The following COL23A1 variants were observed in gnomAD, a reference collection of about 807,000 sequenced individuals.
COL23A1 encodes the protein collagen alpha-1(XXIII) chain.
Under a neutral mutation model 99.3 loss-of-function variants are expected in COL23A1, and 97 were observed. The ratio of observed to expected loss-of-function variants is 0.98; its 90% confidence interval spans 0.83 to 1.16. The LOEUF (loss-of-function observed/expected upper bound fraction) is 1.16, where lower values mean the gene tolerates loss of function less well. Among genes scored for constraint, COL23A1 ranks in the 50% most tolerant of loss-of-function variants. The probability of loss-of-function intolerance (pLI) is 0.00; values close to 1 mark genes in which losing one functional copy is unlikely to be tolerated. For missense variants in COL23A1, 762 were observed against 757.4 expected (o/e 1.01, Z -0.07); for synonymous variants, 320 against 308.2 (o/e 1.04, Z -0.40).
intron 2 of COL23A1, among the ~76,000 whole-genome samples, chr5:178,355,394 C>T (rs1206719374): frequency 3.3e-5 from 5 of 152,142 alleles, no homozygotes; most frequent in African/African-American, 7.2e-5. Flanking sequence ...TAAGGCACAA[C>T]GCTATACAGA....
chr5:178,280,277 C>T lies in COL23A1; in HGVS notation c.441+8047G>A, dbSNP rs763070269. ...GATGCAGGCCCAAAAGGGGCGCCTT[C>T]AGCCTCACAGGCTTCCCTGGCTGGC... On this transcript the variant is annotated intron_variant, in intron 5 of 28. Coordinates refer to ENST00000390654, the MANE Select transcript of COL23A1 (RefSeq NM_173465.4). The surrounding 1 kb of genome is among the most constrained non-coding windows in gnomAD (Gnocchi z 4.9). Among the ~76,000 whole-genome samples the T allele has an allele frequency of 7.9e-5, 12 of 152,256 alleles. No individual in the cohort carries two copies. Among genetic ancestry groups the T allele is most frequent in the Non-Finnish European group, 1.8e-4 (12 of 68,044 alleles).
intron 2 of COL23A1, among the ~76,000 whole-genome samples, chr5:178,383,459 T>C (rs901310336): frequency 6.6e-6 from 1 of 152,214 alleles, no homozygotes; most frequent in Admixed American, 6.5e-5. Flanking sequence ...AGCCGGCCCC[T>C]TCCCGGCTCC....
intron 2 of COL23A1, among the ~76,000 whole-genome samples, chr5:178,402,179 A>G (rs1177386802): frequency 6.6e-6 from 1 of 152,174 alleles, no homozygotes; most frequent in Non-Finnish European, 1.5e-5. Flanking sequence ...GAATAATGAT[A>G]GCAATAAGAA....
rs1758354696 is a variant in COL23A1 at position 178,306,389 on chromosome 5, G to A, written c.406+486C>T. On this transcript the variant is annotated intron_variant, in intron 3 of 28. Transcript: ENST00000390654. This position sits in a 1 kb window ranked among gnomAD's most constrained non-coding sequence, Gnocchi z 4.1. ...AGTTCTGGGTGAAGCAGAGACAGCA[G>A]GAAGGAAGGGTGGTGAATACAGGTG... Among the ~76,000 whole-genome samples, 1 of 152,096 alleles carries A rather than the reference G, an allele frequency of 6.6e-6. No individual in the cohort carries two copies. Among genetic ancestry groups the A allele is most frequent in the South Asian group, 2.1e-4 (1 of 4,810 alleles).
chr5:178,583,496 C>T (rs766569772), intron 1 of COL23A1, among the ~76,000 whole-genome samples: 10 of 152,256 alleles, frequency 6.6e-5, no homozygotes, highest in Admixed American at 1.3e-4. Context: ...CATGAACACA[C>T]ACACACAGAC....
At chr5:178,385,878 C>T (rs1401064736) in intron 2 of COL23A1, among the ~76,000 whole-genome samples, 1 of 152,158 alleles carries the variant, frequency 6.6e-6, no homozygotes, top group Admixed American at 6.5e-5. Context: ...TGTATTCAAC[C>T]TGTTTTAGTC....
chr5:178,424,572 C>T (rs528469031), intron 2 of COL23A1, among the ~76,000 whole-genome samples: 22 of 152,320 alleles, frequency 1.4e-4, no homozygotes, highest in African/African-American at 4.8e-4. Flanking sequence ...CAGGACAAGA[C>T]ACACCGGCAA....
In COL23A1 at chr5:178,589,435, G is replaced by T. The variant is rs138390124; in HGVS notation, c.294+469C>A. ...GAGCACAGCGGGGCCCAGCCCTCGG[G>T]CCTGTCTGAGGCTTTCCTCCGCCGT... On this transcript the variant is annotated intron_variant, in intron 1 of 28. Transcript: ENST00000390654. The surrounding 1 kb of genome is among the most constrained non-coding windows in gnomAD (Gnocchi z 5.4). Among the ~76,000 whole-genome samples, 790 of 152,262 alleles carry T rather than the reference G, an allele frequency of 5.2e-3. 1 individual carries two copies. Among genetic ancestry groups the T allele is most frequent in the Non-Finnish European group, 8.7e-3 (595 of 68,014 alleles).
chr5:178,268,903 T>C (rs111784940), intron 6 of COL23A1, 147 bp from the exon 7 acceptor site: 4 of 722,940 alleles, frequency 5.5e-6, no homozygotes, highest in South Asian at 2.5e-5. Flanking sequence ...CAGCCCTCAA[T>C]GAGAGCTGCC....
At chr5:178,354,554 A>T (rs960867046) in intron 2 of COL23A1, among the ~76,000 whole-genome samples, 5 of 152,112 alleles carry the variant, frequency 3.3e-5, no homozygotes, top group Non-Finnish European at 7.4e-5. Flanking sequence ...TGCTGTTCTC[A>T]TGACAGTGAC....
At chr5:178,392,954 G>A (rs762251209) in intron 2 of COL23A1, among the ~76,000 whole-genome samples, 5 of 152,292 alleles carry the variant, frequency 3.3e-5, no homozygotes, top group African/African-American at 7.2e-5. Context: ...AGTACAGAAC[G>A]CCCTCCCTCA....
intron 2 of COL23A1, among the ~76,000 whole-genome samples, chr5:178,432,303 G>A (rs73336661): frequency 1.3e-3 from 201 of 152,316 alleles, no homozygotes; most frequent in African/African-American, 3.3e-3. Flanking sequence ...CAGACGGCTC[G>A]TTACACAGGT....
At chr5:178,443,055 T>C (rs1252625054) in intron 2 of COL23A1, 1 of 152,128 alleles carries the variant, frequency 6.6e-6, no homozygotes, top group African/African-American at 2.4e-5. Flanking sequence ...CCCAGTGGGG[T>C]CTCGCTGTCC....
chr5:178,327,503 C>T (rs967065451), intron 2 of COL23A1, among the ~76,000 whole-genome samples: 2 of 152,240 alleles, frequency 1.3e-5, no homozygotes, highest in East Asian at 1.9e-4. Context: ...CCTTATCTGC[C>T]AGGAATGGTC....
chr5:178,577,786 G>A (rs1169614236), intron 1 of COL23A1, among the ~76,000 whole-genome samples: 1 of 152,234 alleles, frequency 6.6e-6, no homozygotes, highest in Non-Finnish European at 1.5e-5. Context: ...GGAAGCCGAG[G>A]TTCGGAAAGG....
intron 5 of COL23A1, 114 bp from the exon 6 acceptor site, chr5:178,270,477 G>A (rs769798597): frequency 1.1e-5 from 14 of 1,296,504 alleles, no homozygotes; most frequent in South Asian, 7.6e-5. Context: ...TGGGAGCCCC[G>A]CGTCTGGGTT....
At chr5:178,424,706 T>C (rs972524649) in intron 2 of COL23A1, among the ~76,000 whole-genome samples, 3 of 152,214 alleles carry the variant, frequency 2.0e-5, no homozygotes, top group South Asian at 4.1e-4. Context: ...GTCACAGTTA[T>C]GGCTCAGGGT....
intron 5 of COL23A1, among the ~76,000 whole-genome samples, chr5:178,283,202 A>G (rs1756989930): frequency 6.6e-6 from 1 of 152,112 alleles, no homozygotes; most frequent in Non-Finnish European, 1.5e-5. Flanking sequence ...AGTGATTTCT[A>G]TAAACACAGA....
intron 1 of COL23A1, among the ~76,000 whole-genome samples, chr5:178,584,308 C>CCA (rs4045513): frequency 0.26 from 37,313 of 144,836 alleles, 4,964 homozygotes; most frequent in African/African-American, 0.34. Context: ...CTGCACCTGG[C>CCA]CACACACACA....
Sources: gnomAD v4.1 joint callset for allele counts (sites outside exome capture counted in the v4.1 genomes callset) on GRCh38, gnomAD v4.1.1 for gene constraint, Gnocchi (gnomAD v3.1) non-coding constraint, MANE v1.5 for transcripts, NCBI Gene and HGNC (gene_info 2026-07-23, HGNC 2026-07-21) for gene names.